Variants in RPTOR observed in about 807,000 individuals in gnomAD.
The protein encoded by RPTOR is regulatory associated protein of MTOR complex 1.
Under a neutral mutation model 169.9 loss-of-function variants are expected in RPTOR, and 21 were observed. The observed-to-expected ratio is 0.12, with a 90% CI of 0.09 to 0.18. The LOEUF is 0.18. Among genes scored for constraint, RPTOR ranks in the 10% least tolerant of loss-of-function variants. The pLI, the probability that RPTOR is intolerant of heterozygous loss-of-function variation, is 1.00. For missense variants in RPTOR, 1,133 were observed against 1,855.9 expected (o/e 0.61, Z 7.16); for synonymous variants, 732 against 753.2 (o/e 0.97, Z 0.46).
chr17:80,717,751 A>C (rs1233843693), intron 4 of RPTOR, among the ~76,000 whole-genome samples: 4 of 152,218 alleles, frequency 2.6e-5, no homozygotes, highest in African/African-American at 9.6e-5. Context: ...ATCACCATTT[A>C]TTCTGTTGCT....
rs1451482820 is a variant in RPTOR, at chr17:80,903,676, T to C, written c.2402-5135T>C. On this transcript the variant is annotated intron_variant, in intron 20 of 33. Coordinates refer to ENST00000306801, the MANE Select transcript of RPTOR (RefSeq NM_020761.3). ...TAGAACTACAGTTTCCTTCCTTTTT[T>C]CCAAGGCATCGAGAAGCTGAAAGAG... Among the ~76,000 whole-genome samples the C allele has an allele frequency of 2.0e-5, 3 of 152,236 alleles. No individual in the cohort carries two copies. In the East Asian group the frequency reaches 5.8e-4, roughly 29 times the overall value.
In RPTOR at chr17:80,747,446, A is replaced by G. The variant is rs773253486; in HGVS notation, c.655-6564A>G. Among the ~76,000 whole-genome samples the G allele has an allele frequency of 1.5e-4, 23 of 152,222 alleles. No homozygotes were observed. In the Middle Eastern group the frequency reaches 0.01, roughly 68 times the overall value. On this transcript the variant is annotated intron_variant, in intron 5 of 33. Transcript: ENST00000306801. Reference sequence around the variant, plus strand: ...GGCATGTCTTCTTGTCTATACATCAACGTACTTTGGGGGGCTTCTTAAATA... The same window carrying G: ...GGCATGTCTTCTTGTCTATACATCAGCGTACTTTGGGGGGCTTCTTAAATA...
At position 80,802,195 on chromosome 17, in the gene RPTOR, C is replaced by CTGA. The variant is rs1194805764; in HGVS notation, c.890+10686_890+10687insTGA. On this transcript the variant is annotated intron_variant, in intron 7 of 33. Transcript: ENST00000306801. ...GTTTCCTTCACAGTGGTACCCAAAC[C>CTGA]CTGGTATTTGTCATCAAAACAAAGG... The CTGA allele has an allele frequency of 1.4e-4, 21 of 152,378 alleles. No homozygotes were observed. In the East Asian group the frequency reaches 4.0e-3, roughly 29 times the overall value. The allele number at this position is 152,378 out of a possible 1,614,324, so 9.4% of individuals were successfully genotyped here. A position where few individuals can be genotyped will look rare whatever the true frequency, so the allele number is the denominator to read the frequency against.
intron 1 of RPTOR, among the ~76,000 whole-genome samples, chr17:80,590,396 T>C (rs56287718): frequency 7.3e-6 from 1 of 137,350 alleles, no homozygotes; most frequent in African/African-American, 2.8e-5. Flanking sequence ...CATGGTGAAG[T>C]AGGCATGCAG....
At chr17:80,854,212 C>T (rs1210944572) in intron 11 of RPTOR, among the ~76,000 whole-genome samples, 1 of 152,244 alleles carries the variant, frequency 6.6e-6, no homozygotes, top group Non-Finnish European at 1.5e-5. Flanking sequence ...GATGTATTTT[C>T]ACCTGTCCTT....
intron 3 of RPTOR, among the ~76,000 whole-genome samples, chr17:80,653,168 T>C (rs1382103805): frequency 6.6e-6 from 1 of 152,244 alleles, no homozygotes; most frequent in Non-Finnish European, 1.5e-5. Flanking sequence ...ACTTGTTTCC[T>C]TTCCAAATAA....
intron 1 of RPTOR, among the ~76,000 whole-genome samples, chr17:80,604,929 C>T (rs201923099): frequency 2.3e-4 from 31 of 134,380 alleles, no homozygotes; most frequent in Non-Finnish European, 3.6e-4. Flanking sequence ...TTTTTTTTTT[C>T]CCCTTTTTTT....
chr17:80,661,882 C>G lies in RPTOR; in HGVS notation c.348+18072C>G, dbSNP rs980426771. Among the ~76,000 whole-genome samples the G allele has an allele frequency of 2.0e-5, 3 of 152,270 alleles. No individual in the cohort carries two copies. In the East Asian group the frequency reaches 5.8e-4, roughly 29 times the overall value. On this transcript the variant is annotated intron_variant, in intron 3 of 33. Transcript: ENST00000306801. The stretch of plus-strand genomic sequence containing the variant: ...CCTGCACCGCTCGAGATTCACTGCG[C>G]TGCACACCAGGGCCTCGGTAATTCA...
At chr17:80,561,251 G>GTA (rs1488660271) in intron 1 of RPTOR, among the ~76,000 whole-genome samples, 2 of 4,204 alleles carry the variant, frequency 4.8e-4, no homozygotes, top group South Asian at 0.026. Flanking sequence ...ATATATATAT[G>GTA]TATATATATA....
chr17:80,607,163 C>G (rs998464503), intron 1 of RPTOR, among the ~76,000 whole-genome samples: 5 of 152,082 alleles, frequency 3.3e-5, no homozygotes, highest in Admixed American at 3.3e-4. Flanking sequence ...TTGAACGCCC[C>G]CCTTGCCTCA....
At chr17:80,548,794 A>G (rs2143200513) in intron 1 of RPTOR, among the ~76,000 whole-genome samples, 1 of 152,304 alleles carries the variant, frequency 6.6e-6, no homozygotes, top group East Asian at 1.9e-4. Flanking sequence ...ATGTTTGTAA[A>G]GTGAAATGTG....
chr17:80,940,365 A>T, intron 24 of RPTOR, 131 bp from the exon 25 acceptor site: 2 of 658,452 alleles, frequency 3.0e-6, no homozygotes, highest in Non-Finnish European at 5.2e-6. Context: ...CAGATGCCAC[A>T]CCCTTTCGTA....
At chr17:80,620,914 T>C (rs1426320004) in intron 1 of RPTOR, among the ~76,000 whole-genome samples, 2 of 152,268 alleles carry the variant, frequency 1.3e-5, no homozygotes, top group African/African-American at 4.8e-5. Context: ...AGCTAGATAT[T>C]AGAGCTAACA....
intron 7 of RPTOR, among the ~76,000 whole-genome samples, chr17:80,806,102 C>A (rs1200742826): frequency 1.3e-5 from 2 of 152,122 alleles, no homozygotes; most frequent in Non-Finnish European, 2.9e-5. Context: ...AAAAAACAAG[C>A]CGCCTCTGGT....
chr17:80,911,964 T>A (rs2068618061), intron 21 of RPTOR, among the ~76,000 whole-genome samples: 1 of 152,104 alleles, frequency 6.6e-6, no homozygotes, highest in African/African-American at 2.4e-5. Flanking sequence ...CCGAGGCCTC[T>A]CAGATGAGCT....
In RPTOR at chr17:80,654,855, T is replaced by C. The variant is rs7215945; in HGVS notation, c.348+11045T>C. Among the ~76,000 whole-genome samples, 360 of 152,328 alleles carry C rather than the reference T, an allele frequency of 2.4e-3. 2 individuals are homozygous for C. Among genetic ancestry groups the C allele is most frequent in the African/African-American group, 8.4e-3 (350 of 41,578 alleles). On this transcript the variant is annotated intron_variant, in intron 3 of 33. Coordinates refer to ENST00000306801, the MANE Select transcript of RPTOR (RefSeq NM_020761.3). ...AGAGTGCTTTGCAAAACTTTGCAGA[T>C]AAATTGGAAAACTTGTATGCGATGC...
At chr17:80,772,497 C>T (rs2066854175) in intron 6 of RPTOR, among the ~76,000 whole-genome samples, 1 of 141,572 alleles carries the variant, frequency 7.1e-6, no homozygotes, top group South Asian at 2.5e-4. Context: ...CTTCCTCTCC[C>T]TCCACATGCC....
intron 3 of RPTOR, among the ~76,000 whole-genome samples, chr17:80,703,144 A>G (rs2066115428): frequency 1.3e-5 from 2 of 152,178 alleles, no homozygotes; most frequent in African/African-American, 4.8e-5. Context: ...ACCACTATGC[A>G]TGGGGGATTT....
At chr17:80,652,621 A>G (rs1037245393) in intron 3 of RPTOR, among the ~76,000 whole-genome samples, 3 of 152,190 alleles carry the variant, frequency 2.0e-5, no homozygotes, top group Non-Finnish European at 2.9e-5. Flanking sequence ...ATTCCATTGT[A>G]TGGCTAGTCT....
Sources: allele counts gnomAD v4.1 joint callset (sites outside exome capture counted in the v4.1 genomes callset), GRCh38; gene constraint gnomAD v4.1.1; transcripts MANE v1.5; gene names NCBI Gene and HGNC (gene_info 2026-07-23, HGNC 2026-07-21).